Variants in NPAS3 observed in about 807,000 individuals in gnomAD.
The protein encoded by NPAS3 is neuronal PAS domain-containing protein 3.
Under a neutral mutation model 73.1 loss-of-function variants are expected in NPAS3, and 14 were observed. That is an observed-to-expected ratio of 0.19 (90% CI 0.13 to 0.30). The LOEUF (loss-of-function observed/expected upper bound fraction) is 0.30. Among genes scored for constraint, NPAS3 ranks in the 10% least tolerant of loss-of-function variants. NPAS3 has a pLI of 1.00. For missense variants in NPAS3, 1,096 were observed against 1,250.0 expected (o/e 0.88, Z 1.86); for synonymous variants, 620 against 541.5 (o/e 1.14, Z -2.01).
At chr14:33,617,506 A>G (rs986013224) in intron 5 of NPAS3, among the ~76,000 whole-genome samples, 5 of 152,176 alleles carry the variant, frequency 3.3e-5, no homozygotes, top group African/African-American at 1.2e-4. Flanking sequence ...TGAAGAGCTG[A>G]TGGTTTTCAT....
intron 4 of NPAS3, among the ~76,000 whole-genome samples, chr14:33,509,858 A>G (rs1444036368): frequency 6.6e-6 from 1 of 152,066 alleles, no homozygotes; most frequent in African/African-American, 2.4e-5. Context: ...CTTTGTCATT[A>G]GAATCTCTTT....
At chr14:33,643,020 T>C (rs1220934259) in intron 5 of NPAS3, among the ~76,000 whole-genome samples, 1 of 152,130 alleles carries the variant, frequency 6.6e-6, no homozygotes, top group Non-Finnish European at 1.5e-5. Context: ...CCTCTCGCAA[T>C]AATCTTCATA....
intron 2 of NPAS3, among the ~76,000 whole-genome samples, chr14:33,170,982 T>C (rs66728351): frequency 0.28 from 43,226 of 152,098 alleles, 6,542 homozygotes; most frequent in East Asian, 0.59. Context: ...TTCAACTGAC[T>C]TTGCCCAGAT....
At chr14:33,688,344 CTA>C (rs879400170) in intron 6 of NPAS3, among the ~76,000 whole-genome samples, 1 of 152,128 alleles carries the variant, frequency 6.6e-6, no homozygotes, top group Non-Finnish European at 1.5e-5. Flanking sequence ...ATCAATAAAC[CTA>C]TGTTTTGAAA....
chr14:33,201,756 G>C (rs191601653), intron 2 of NPAS3, among the ~76,000 whole-genome samples: 49 of 152,156 alleles, frequency 3.2e-4, no homozygotes, highest in African/African-American at 1.1e-3. Flanking sequence ...ATTTGTGGAT[G>C]CTTTGTGATG....
intron 3 of NPAS3, among the ~76,000 whole-genome samples, chr14:33,241,005 T>C (rs770237906): frequency 1.3e-5 from 2 of 151,986 alleles, no homozygotes; most frequent in African/African-American, 2.4e-5. Context: ...AGCATGAGGC[T>C]AACCTCAGCA....
In NPAS3 at chr14:33,689,246, G is replaced by T. The variant is rs1249580872; in HGVS notation, c.733+12861G>T. 2.6e-5 allele frequency among the ~76,000 whole-genome samples: 4 copies of T among 152,332 alleles called. No individual in the cohort carries two copies. The East Asian group carries it at 7.7e-4, about 29-fold the overall frequency. ...ATTTTTAGCCCTCTGGTCTAGATTG[G>T]AGAATAATGTAGGAATGATCACCTG... On this transcript the variant is annotated intron_variant, in intron 6 of 11. Coordinates refer to ENST00000356141, the Ensembl canonical transcript of NPAS3.
chr14:33,162,061 C>T (rs752929298), intron 2 of NPAS3, among the ~76,000 whole-genome samples: 23 of 152,178 alleles, frequency 1.5e-4, no homozygotes, highest in African/African-American at 4.1e-4. Flanking sequence ...GGCACCATGC[C>T]GGGCACATGG....
chr14:32,969,320 C>G (rs755308055), intron 1 of NPAS3, among the ~76,000 whole-genome samples: 7 of 152,036 alleles, frequency 4.6e-5, no homozygotes, highest in Non-Finnish European at 8.8e-5. Flanking sequence ...AGAAACCAAC[C>G]CTGGTGCGGT....
chr14:33,163,630 T>TG (rs1566627324), intron 2 of NPAS3, among the ~76,000 whole-genome samples: 2 of 149,156 alleles, frequency 1.3e-5, no homozygotes, highest in African/African-American at 5.0e-5. Flanking sequence ...GTTGTTTTTT[T>TG]TTTTTTTTTT....
intron 3 of NPAS3, among the ~76,000 whole-genome samples, chr14:33,282,467 G>A (rs2041667786): frequency 6.6e-6 from 1 of 152,172 alleles, no homozygotes; most frequent in African/African-American, 2.4e-5. Context: ...TAAGGGGAAT[G>A]CAGCTGATTG....
At chr14:33,395,545 T>C (rs182905143) in intron 4 of NPAS3, among the ~76,000 whole-genome samples, 72 of 152,092 alleles carry the variant, frequency 4.7e-4, no homozygotes, top group African/African-American at 1.7e-3. Flanking sequence ...TGTGCACGTA[T>C]ACATACATAC....
At chr14:33,137,400 GT>G (rs1426572872) in intron 2 of NPAS3, among the ~76,000 whole-genome samples, 1 of 152,140 alleles carries the variant, frequency 6.6e-6, no homozygotes, top group Non-Finnish European at 1.5e-5. Flanking sequence ...AAATAAGATT[GT>G]TTGATTCACC....
chr14:32,997,387 T>G (rs2038622387), intron 1 of NPAS3, among the ~76,000 whole-genome samples: 2 of 152,112 alleles, frequency 1.3e-5, no homozygotes, highest in African/African-American at 4.8e-5. Context: ...GGTTTTGAAA[T>G]GTGAAGATAG....
chr14:33,626,763 A>C (rs752940200), intron 5 of NPAS3, among the ~76,000 whole-genome samples: 63 of 152,172 alleles, frequency 4.1e-4, no homozygotes, highest in Non-Finnish European at 5.9e-5. Flanking sequence ...ATAGATAGAC[A>C]ATAAGTAGAA....
At chr14:33,501,867 CAAAG>C (rs2052534610) in intron 4 of NPAS3, among the ~76,000 whole-genome samples, 1 of 151,902 alleles carries the variant, frequency 6.6e-6, no homozygotes, top group East Asian at 1.9e-4. Context: ...TGTCACAAAA[CAAAG>C]AGATAACTGC....
chr14:32,937,872 G>C (rs368259232), upstream of NPAS3, among the ~76,000 whole-genome samples: 5 of 152,070 alleles, frequency 3.3e-5, no homozygotes, highest in Non-Finnish European at 7.3e-5. Flanking sequence ...CTGTCCACAC[G>C]CTTCTGATTG....
intron 5 of NPAS3, among the ~76,000 whole-genome samples, chr14:33,675,757 T>C (rs1279956635): frequency 6.6e-6 from 1 of 152,250 alleles, no homozygotes; most frequent in Non-Finnish European, 1.5e-5. Flanking sequence ...TGGAAATCTG[T>C]GTATTTTAAG....
chr14:33,618,611 C>T (rs572953147), intron 5 of NPAS3, among the ~76,000 whole-genome samples: 12 of 152,268 alleles, frequency 7.9e-5, no homozygotes, highest in Non-Finnish European at 1.5e-4. Context: ...CTGTGTGGTC[C>T]GATTCCTAAC....
Sources: gnomAD v4.1 joint callset for allele counts (sites outside exome capture counted in the v4.1 genomes callset) on GRCh38, gnomAD v4.1.1 for gene constraint, MANE v1.5 for transcripts, NCBI Gene and HGNC (gene_info 2026-07-23, HGNC 2026-07-21) for gene names.